SLC28A2: variants seen among roughly 807,000 people sequenced by gnomAD.
The protein encoded by SLC28A2 is sodium/nucleoside cotransporter 2.
In SLC28A2, 69 loss-of-function variants were observed where a neutral mutation model predicts 72.9. The ratio of observed to expected loss-of-function variants is 0.95; its 90% CI spans 0.78 to 1.16. The LOEUF (loss-of-function observed/expected upper bound fraction) is 1.16, where lower values mean the gene tolerates loss of function less well. Ranked by LOEUF, SLC28A2 falls within the 50% of genes most tolerant of loss-of-function variation. The pLI is 0.00. For synonymous variants in SLC28A2, 296 were observed against 294.1 expected, an observed-to-expected ratio of 1.01 and a Z score of -0.07; for missense variants, 745 against 791.1, an observed-to-expected ratio of 0.94 and a Z score of 0.70.
chr15:45,267,659 C>T lies in SLC28A2; in HGVS notation c.1069-7C>T. Reference sequence around the variant, plus strand: ...AAACACTGATGCCTAAGTCTGGCGCCTCACAGGTTGATGCATCATCCCTGA... The same window carrying T: ...AAACACTGATGCCTAAGTCTGGCGCTTCACAGGTTGATGCATCATCCCTGA... On this transcript the variant is annotated splice_region_variant and splice_polypyrimidine_tract_variant and intron_variant, in intron 11 of 17. Transcript: ENST00000347644. 1.9e-6 allele frequency: 3 copies of T among 1,614,134 alleles called. No individual in the cohort carries two copies. The highest frequency in any genetic ancestry group is 2.5e-6 in the Non-Finnish European group (3 of 1,180,026).
At chr15:45,266,359 G>C (rs968058661) in intron 10 of SLC28A2, among the ~76,000 whole-genome samples, 198 bp downstream of exon 10, 1 of 152,060 alleles carries the variant, frequency 6.6e-6, no homozygotes, top group African/African-American at 2.4e-5. Context: ...ATACTTCCCT[G>C]GTAATACTTA....
chr15:45,268,385 G>T lies in SLC28A2; in HGVS notation c.1368+7G>T, dbSNP rs778814174. 4 of 1,579,082 alleles carry T rather than the reference G, an allele frequency of 2.5e-6. No individual in the cohort carries two copies. Among genetic ancestry groups the T allele is most frequent in the Non-Finnish European group, 3.5e-6 (4 of 1,153,220 alleles). The stretch of plus-strand genomic sequence containing the variant: ...ACAGGGGCTCACTTTCCAGGTAAAG[G>T]ATTACATTTGTTGGGCTGTCCCTCT... On this transcript the variant is annotated splice_region_variant and intron_variant, in intron 13 of 17. Coordinates refer to ENST00000347644, the MANE Select transcript of SLC28A2 (RefSeq NM_004212.4).
intron 17 of SLC28A2, among the ~76,000 whole-genome samples, chr15:45,275,166 G>C (rs1056505154): frequency 6.6e-6 from 1 of 152,150 alleles, no homozygotes; most frequent in Admixed American, 6.5e-5. Flanking sequence ...AATGGACTAT[G>C]GTTAGGAGTT....
At chr15:45,275,248 A>C in intron 17 of SLC28A2, 148 bp from the exon 18 acceptor site, 1 of 636,100 alleles carries the variant, frequency 1.6e-6, no homozygotes, top group Non-Finnish European at 2.8e-6. Context: ...GAGAAAAGAA[A>C]CATAATTGGG....
intron 3 of SLC28A2, among the ~76,000 whole-genome samples, chr15:45,258,228 T>TA (rs1269280685): frequency 6.6e-6 from 1 of 150,670 alleles, no homozygotes; most frequent in Non-Finnish European, 1.5e-5. Flanking sequence ...CTCAAAAATA[T>TA]ATATACTATA....
At chr15:45,267,376 GC>G in intron 10 of SLC28A2, 78 bp from the exon 11 acceptor site, 1 of 1,528,744 alleles carries the variant, frequency 6.5e-7, no homozygotes, top group African/African-American at 1.4e-5. Flanking sequence ...AGTGGGTCCA[GC>G]CCCTGGGGCT....
chr15:45,255,515 T>G (rs907831447), intron 3 of SLC28A2: 1 of 152,164 alleles, frequency 6.6e-6, no homozygotes, highest in Non-Finnish European at 1.5e-5. Context: ...AACTTAATTT[T>G]TAAAAAGAAG....
rs746174782 is a variant in SLC28A2 at position 45,262,107 on chromosome 15, G to T, written c.262+1G>T. On this transcript the variant is annotated splice_donor_variant, in intron 4 of 17. Coordinates refer to ENST00000347644, the MANE Select transcript of SLC28A2 (RefSeq NM_004212.4). LOFTEE classifies it high-confidence loss of function. ...ATCCTGTTGGGCCTGTTGTGTTTGGGTGAGATATTGAGAATTCATGAAAGT... is the reference window on the plus strand; with the variant it reads ...ATCCTGTTGGGCCTGTTGTGTTTGGTTGAGATATTGAGAATTCATGAAAGT... The T allele has an allele frequency of 1.3e-6, 2 of 1,592,816 alleles. No homozygotes were observed. The highest frequency in any genetic ancestry group is 1.7e-6 in the Non-Finnish European group (2 of 1,160,824).
intron 3 of SLC28A2, among the ~76,000 whole-genome samples, chr15:45,261,744 C>T (rs1900169935): frequency 6.6e-6 from 1 of 152,206 alleles, no homozygotes; most frequent in Non-Finnish European, 1.5e-5. Context: ...AGACCCCTGA[C>T]ATGAGCAGTA....
At chr15:45,261,932 T>C (rs1900175228) in intron 3 of SLC28A2, 83 bp from the exon 4 acceptor site, 1 of 889,816 alleles carries the variant, frequency 1.1e-6, no homozygotes, top group Admixed American at 1.7e-5. Flanking sequence ...CTGCCTTGTG[T>C]TAGGTAATCT....
At chr15:45,266,214 G>T in intron 10 of SLC28A2, 53 bp downstream of exon 10, 1 of 1,286,934 alleles carries the variant, frequency 7.8e-7, no homozygotes, top group South Asian at 1.2e-5. Flanking sequence ...CTGAGAATTT[G>T]GCACAAAACA....
At position 45,272,130 on chromosome 15, in the gene SLC28A2, C is replaced by T. The variant is rs1900591671; in HGVS notation, c.1649-165C>T. The T allele has an allele frequency of 6.1e-5, 37 of 601,714 alleles. No homozygotes were observed. The South Asian group carries it at 7.3e-4, about 12-fold the overall frequency. 37.3% of individuals were successfully genotyped at this position (601,714 alleles called of 1,614,324 possible). On this transcript the variant is annotated intron_variant, in intron 15 of 17. Transcript: ENST00000347644. ...TGATCCCTCAGGACTAATGTATACA[C>T]ACACTTCTTAGGGCAACACTGGCCA...
At chr15:45,274,336 T>TAAAAC (rs565069955) in intron 17 of SLC28A2, among the ~76,000 whole-genome samples, 288 of 152,062 alleles carry the variant, frequency 1.9e-3, no homozygotes, top group African/African-American at 6.7e-3. Context: ...CCATCTCTAC[T>TAAAAC]AAAACAAAAC....
chr15:45,253,480 C>T lies in SLC28A2; in HGVS notation c.130C>T (p.His44Tyr), dbSNP rs1223868508. ...EGSKRTDAQG[H>Y]SLGDGLGPST... is the part of the protein sequence containing the mutation. The stretch of plus-strand genomic sequence containing the variant: ...AAGCAAGAGGACTGACGCACAAGGA[C>T]ACAGCCTGGGGGATGGACTGGGCCC... Residue 44 changes from histidine to tyrosine, a missense_variant, in exon 3 of 18, where the codon CAC becomes TAC. Coordinates refer to ENST00000347644, the MANE Select transcript of SLC28A2 (RefSeq NM_004212.4). The T allele has an allele frequency of 3.1e-6, 5 of 1,613,900 alleles. No individual in the cohort carries two copies. In the Admixed American group the frequency reaches 5.0e-5, roughly 16 times the overall value.
In SLC28A2 at chr15:45,263,106, G is replaced by A; in HGVS notation, c.308G>A (p.Arg103Lys). The change falls in exon 5 of 18, where the codon AGG becomes AAG. Residue 103 changes from arginine to lysine, a missense_variant. By Grantham distance (26) the Arg-to-Lys change is conservative. Coordinates refer to ENST00000347644, the MANE Select transcript of SLC28A2 (RefSeq NM_004212.4). ...LLAACILNFQ[R>K]ALALFVITCL... ...GCAGCTTGCATCTTGAATTTCCAGA[G>A]GGCACTGGCCTTGTTTGTCATCACC... The A allele has an allele frequency of 6.2e-7, 1 of 1,613,896 alleles. No individual in the cohort carries two copies. The highest frequency in any genetic ancestry group is 1.1e-5 in the South Asian group (1 of 91,054).
rs888870285 is a variant in SLC28A2 at position 45,269,173 on chromosome 15, TA to T, written c.1369-155del. 2.3e-4 allele frequency among the ~76,000 whole-genome samples: 34 copies of T among 145,120 alleles called. 1 individual carries two copies. The highest frequency in any genetic ancestry group is 1.6e-3 in the East Asian group (8 of 4,962). On this transcript the variant is annotated intron_variant, in intron 13 of 17. Coordinates refer to ENST00000347644, the MANE Select transcript of SLC28A2 (RefSeq NM_004212.4). ...CCTAAGACTTAAAGTATAATAATAA[TA>T]AAAAAAAAACAACCATGCATGTCCT...
At chr15:45,269,163 A>G (rs764177643) in intron 13 of SLC28A2, among the ~76,000 whole-genome samples, 175 bp from the exon 14 acceptor site, 21 of 151,970 alleles carry the variant, frequency 1.4e-4, no homozygotes, top group Non-Finnish European at 2.2e-4. Flanking sequence ...GACTTAAAGT[A>G]TAATAATAAT....
intron 16 of SLC28A2, 94 bp downstream of exon 16, chr15:45,272,487 G>T (rs924688742): frequency 9.8e-7 from 1 of 1,018,708 alleles, no homozygotes. Flanking sequence ...GAGTACAGGG[G>T]CAACAAAGAT....
rs1900109055 is a variant in SLC28A2, at chr15:45,260,171, A to G, written c.171-1844A>G. On this transcript the variant is annotated intron_variant, in intron 3 of 17. Transcript: ENST00000347644. ...CTATTCGTAGGCCTGAAGGAATAAG[A>G]TGTAAGAGCACCTGGCAGGAGAGTC... is the stretch of plus-strand genomic sequence containing the variant. Among the ~76,000 whole-genome samples the G allele has an allele frequency of 2.0e-5, 3 of 152,226 alleles. No individual in the cohort carries two copies. The South Asian group carries it at 6.2e-4, about 31-fold the overall frequency.
Sources: gnomAD v4.1 joint callset for allele counts (sites outside exome capture counted in the v4.1 genomes callset) on GRCh38, gnomAD v4.1.1 for gene constraint, MANE v1.5 for transcripts, NCBI Gene and HGNC (gene_info 2026-07-23, HGNC 2026-07-21) for gene names.